Variants in KMT5A observed in about 807,000 individuals in gnomAD.
The protein encoded by KMT5A is lysine methyltransferase 5A.
A neutral mutation model predicts 40.6 loss-of-function variants in KMT5A; 6 were observed. The observed-to-expected ratio is 0.15, with a 90% confidence interval of 0.08 to 0.29. The LOEUF (loss-of-function observed/expected upper bound fraction) is 0.29, where lower values mean the gene tolerates loss of function less well. Ranked by LOEUF, KMT5A falls within the 10% of genes least tolerant of loss-of-function variation. The probability of loss-of-function intolerance (pLI) is 1.00; values close to 1 mark genes in which losing one functional copy is unlikely to be tolerated. For missense variants in KMT5A, 308 were observed against 459.1 expected, an observed-to-expected ratio of 0.67 and a Z score of 3.01; for synonymous variants, 153 against 178.8, an observed-to-expected ratio of 0.86 and a Z score of 1.15.
At chr12:123,386,064 C>T (rs141078415) in intron 1 of KMT5A, among the ~76,000 whole-genome samples, 60 of 152,230 alleles carry the variant, frequency 3.9e-4, no homozygotes, top group Non-Finnish European at 7.6e-4. Flanking sequence ...TAATGTTTGT[C>T]AGCTCCTCCC....
chr12:123,401,148 T>C (rs917092587), intron 5 of KMT5A, among the ~76,000 whole-genome samples: 12 of 127,204 alleles, frequency 9.4e-5, no homozygotes, highest in African/African-American at 2.4e-4. Context: ...ATCTTTCTTT[T>C]TTTTTTTTTT....
chr12:123,384,951 CA>C lies in KMT5A; in HGVS notation c.10+745del, dbSNP rs1334783924. On this transcript the variant is annotated intron_variant, in intron 1 of 7. Transcript: ENST00000402868. This position sits in a 1 kb window ranked among gnomAD's most constrained non-coding sequence, Gnocchi z 5.7. ...CCCAGGTATGCGGCAAAGAGATCTCCAACCGCTTGGTCATTTCCAGCCACTG... is the reference window on the plus strand; with the variant it reads ...CCCAGGTATGCGGCAAAGAGATCTCCACCGCTTGGTCATTTCCAGCCACTG... Among the ~76,000 whole-genome samples the C allele has an allele frequency of 6.6e-6, 1 of 152,102 alleles. No homozygotes were observed. Among genetic ancestry groups the C allele is most frequent in the East Asian group, 1.9e-4 (1 of 5,202 alleles).
In KMT5A at chr12:123,402,181, C is replaced by T. The variant is rs191938465; in HGVS notation, c.598-1392C>T. Among the ~76,000 whole-genome samples, 36 of 152,346 alleles carry T rather than the reference C, an allele frequency of 2.4e-4. No homozygotes were observed. In the East Asian group the frequency reaches 6.2e-3, roughly 26 times the overall value. ...ACAGGAGAGAGCCACTGCCCCTGGC[C>T]TCATTTACATTTTAAAAGACCCCTC... On this transcript the variant is annotated intron_variant, in intron 5 of 7. Transcript: ENST00000402868.
At chr12:123,402,687 G>T (rs542347513) in intron 5 of KMT5A, among the ~76,000 whole-genome samples, 1 of 152,206 alleles carries the variant, frequency 6.6e-6, no homozygotes, top group Non-Finnish European at 1.5e-5. Context: ...GTGCAGGAGG[G>T]GTGGCCTTAG....
At chr12:123,391,361 A>T (rs2139166323) in intron 3 of KMT5A, 1 of 154,132 alleles carries the variant, frequency 6.5e-6, no homozygotes, top group East Asian at 1.9e-4. Flanking sequence ...CGCCCAGCTA[A>T]TTTTTGTATT....
At chr12:123,407,124 G>C (rs986732538) in intron 7 of KMT5A, among the ~76,000 whole-genome samples, 4 of 151,380 alleles carry the variant, frequency 2.6e-5, no homozygotes, top group Admixed American at 1.3e-4. Flanking sequence ...GATCACTTGA[G>C]CCCAGGGGTT....
intron 3 of KMT5A, 142 bp downstream of exon 3, chr12:123,390,928 C>T (rs1317450013): frequency 2.2e-5 from 22 of 1,006,614 alleles, no homozygotes; most frequent in Non-Finnish European, 3.0e-5. Context: ...TGTCTTGCTG[C>T]TGAAAGAATG....
chr12:123,387,772 G>T (rs1166775603), intron 1 of KMT5A, among the ~76,000 whole-genome samples: 1 of 152,204 alleles, frequency 6.6e-6, no homozygotes, highest in African/African-American at 2.4e-5. Flanking sequence ...ACAGCCATTT[G>T]CTTATCTGTG....
chr12:123,389,519 G>C lies in KMT5A; in HGVS notation c.97G>C (p.Glu33Gln). Reference sequence around the variant, plus strand: ...GACGGCCCCGGGCCCGGAGATGGTGGAGCGGAGGGGCCCGGGGAGGCCCCG... The same window carrying C: ...GACGGCCCCGGGCCCGGAGATGGTGCAGCGGAGGGGCCCGGGGAGGCCCCG... ...AATAPGPEMV[E>Q]RRGPGRPRTD... The change falls in exon 2 of 8, where the codon GAG becomes CAG. Residue 33 changes from glutamate (E) to glutamine (Q), a missense_variant. Transcript: ENST00000402868. The C allele has an allele frequency of 8.9e-7, 1 of 1,118,360 alleles. No individual in the cohort carries two copies. The highest frequency in any genetic ancestry group is 1.1e-6 in the Non-Finnish European group (1 of 920,066). The allele number at this position is 1,118,360 out of a possible 1,614,324, so 69.3% of individuals were successfully genotyped here.
intron 5 of KMT5A, among the ~76,000 whole-genome samples, chr12:123,401,891 G>GT (rs1350351048): frequency 1.3e-4 from 20 of 151,310 alleles, no homozygotes; most frequent in East Asian, 1.9e-4. Context: ...CATGTTTTCT[G>GT]TTTTTTTTTA....
At chr12:123,392,230 C>T (rs1396175461) in intron 3 of KMT5A, among the ~76,000 whole-genome samples, 2 of 152,122 alleles carry the variant, frequency 1.3e-5, no homozygotes, top group Non-Finnish European at 2.9e-5. Flanking sequence ...TGGGGAGAGG[C>T]GCTGTCTATA....
intron 5 of KMT5A, among the ~76,000 whole-genome samples, chr12:123,400,024 C>G (rs1192929189): frequency 6.6e-6 from 1 of 151,988 alleles, no homozygotes; most frequent in South Asian, 2.1e-4. Context: ...GGTTTCACTG[C>G]GTTGGCCAGG....
intron 5 of KMT5A, among the ~76,000 whole-genome samples, chr12:123,399,969 G>A (rs147003727): frequency 8.7e-4 from 132 of 152,132 alleles, no homozygotes; most frequent in African/African-American, 2.4e-3. Context: ...GATTACAGGC[G>A]CCCACCACCA....
chr12:123,396,285 C>CT, intron 4 of KMT5A, 60 bp from the exon 5 acceptor site: 1 of 1,513,784 alleles, frequency 6.6e-7, no homozygotes, highest in Non-Finnish European at 9.1e-7. Context: ...TTCTAAGGAG[C>CT]TGTGTGCCTC....
At position 123,396,394 on chromosome 12, in the gene KMT5A, G is replaced by A. The variant is rs754391565; in HGVS notation, c.559G>A (p.Val187Ile). 1.2e-5 allele frequency: 20 copies of A among 1,614,052 alleles called. No homozygotes were observed. The highest frequency in any genetic ancestry group is 1.7e-5 in the Non-Finnish European group (20 of 1,180,018). The change falls in exon 5 of 8, where the codon GTC becomes ATC. Residue 187 changes from valine to isoleucine, a missense_variant. This residue lies in a region of KMT5A where 127 missense variants were observed against 129.8 expected (regional missense o/e 0.98). Transcript: ENST00000402868. ...QNRKLTDFYP[V>I]RRSSRKSKAE... Reference sequence around the variant, plus strand: ...TCGCAAACTTACGGATTTCTACCCTGTCCGAAGGAGCTCCAGGAAGAGCAA... The same window carrying A: ...TCGCAAACTTACGGATTTCTACCCTATCCGAAGGAGCTCCAGGAAGAGCAA...
At chr12:123,393,506 G>A (rs116448007) in intron 3 of KMT5A, among the ~76,000 whole-genome samples, 11,108 of 152,026 alleles carry the variant, frequency 0.073, 1,111 homozygotes, top group African/African-American at 0.23. Context: ...TGTCTTCAAG[G>A]TTCATCCGCG....
chr12:123,386,669 A>C (rs748877528), intron 1 of KMT5A, among the ~76,000 whole-genome samples: 5 of 152,108 alleles, frequency 3.3e-5, no homozygotes, highest in Non-Finnish European at 7.4e-5. Flanking sequence ...CACCTCACTC[A>C]TTTTGAAGTT....
Position 123,390,615 on chromosome 12 carries a change from C to T in KMT5A, c.133-15C>T. On this transcript the variant is annotated splice_polypyrimidine_tract_variant and intron_variant, in intron 2 of 7. Coordinates refer to ENST00000402868, the MANE Select transcript of KMT5A (RefSeq NM_020382.7). ...TTCTTCAAGCCTCTTTCAGAATATG[C>T]TTTTGTCTTTTTAGGAGAACGTATT... The T allele has an allele frequency of 3.7e-6, 6 of 1,612,594 alleles. No homozygotes were observed. The highest frequency in any genetic ancestry group is 5.1e-6 in the Non-Finnish European group (6 of 1,179,436).
In KMT5A at chr12:123,395,256, C is replaced by A. The variant is rs1427376202; in HGVS notation, c.499C>A (p.Pro167Thr). ...LKKPIKGKQA[P>T]RKKAQGKTQQ... ...AAAGCCCATCAAGGGCAAACAGGCC[C>A]CCCGAAAAAAGTAAGTGCCCCATTC... Residue 167 changes from proline (P) to threonine (T), a missense_variant, in exon 4 of 8, where the codon CCC becomes ACC. Transcript: ENST00000402868. The A allele has an allele frequency of 1.9e-6, 3 of 1,612,724 alleles. No homozygotes were observed. In the African/African-American group the frequency reaches 4.0e-5, roughly 22 times the overall value.
Sources: allele counts gnomAD v4.1 joint callset (sites outside exome capture counted in the v4.1 genomes callset), GRCh38; gene constraint gnomAD v4.1.1; regional missense constraint gnomAD v4.1.1; non-coding constraint Gnocchi (gnomAD v3.1); transcripts MANE v1.5; gene names NCBI Gene and HGNC (gene_info 2026-07-23, HGNC 2026-07-21).